C1QTNF3: variants seen among roughly 807,000 people sequenced by gnomAD.
The protein encoded by C1QTNF3 is C1q and TNF related 3.
A neutral mutation model predicts 32.6 loss-of-function variants in C1QTNF3; 26 were observed. The ratio of observed to expected loss-of-function variants is 0.80; its 90% confidence interval spans 0.58 to 1.11. The LOEUF (loss-of-function observed/expected upper bound fraction) is 1.11. Among genes scored for constraint, C1QTNF3 ranks in the 50% least tolerant of loss-of-function variants. C1QTNF3 has a pLI of 0.00. For synonymous variants in C1QTNF3, 155 were observed against 146.0 expected (o/e 1.06, Z -0.44); for missense variants, 362 against 398.2 (o/e 0.91, Z 0.77).
At chr5:34,158,876 G>A in the C1QTNF3 span, 3 of 151,962 alleles carry the variant, frequency 2.0e-5, no homozygotes, top group East Asian at 1.9e-4. Context: ...GATATATTAC[G>A]AATGTTCACC....
At chr5:34,130,642 A>G in the C1QTNF3 span, among the ~76,000 whole-genome samples, 1 of 152,206 alleles carries the variant, frequency 6.6e-6, no homozygotes, top group Non-Finnish European at 1.5e-5. Flanking sequence ...TCCAGCATCC[A>G]TGTTCCTCTC....
chr5:34,038,722 T>G (rs1754800383), intron 1 of C1QTNF3, among the ~76,000 whole-genome samples: 1 of 152,154 alleles, frequency 6.6e-6, no homozygotes, highest in South Asian at 2.1e-4. Context: ...TTCTATTTCC[T>G]GAGGGAAGCT....
the C1QTNF3 span, among the ~76,000 whole-genome samples, chr5:34,210,910 AATTT>A: frequency 1.3e-5 from 2 of 152,078 alleles, no homozygotes; most frequent in African/African-American, 4.8e-5. Context: ...TTTACTATAT[AATTT>A]ATTTGTGAAA....
chr5:34,212,935 G>T, the C1QTNF3 span, among the ~76,000 whole-genome samples: 5 of 151,866 alleles, frequency 3.3e-5, no homozygotes, highest in African/African-American at 9.7e-5. Flanking sequence ...AAATCATGCT[G>T]CTATAAAGAC....
intron 5 of C1QTNF3, 21 bp from the exon 6 acceptor site, chr5:34,020,763 A>G (rs1754305283): frequency 6.2e-7 from 1 of 1,605,996 alleles, no homozygotes; most frequent in African/African-American, 1.3e-5. Flanking sequence ...AAAGAGGAAC[A>G]AACTACTTAG....
At chr5:34,050,652 T>G in the C1QTNF3 span, among the ~76,000 whole-genome samples, 3 of 152,184 alleles carry the variant, frequency 2.0e-5, no homozygotes, top group Non-Finnish European at 4.4e-5. Flanking sequence ...CATACCTCAC[T>G]TGTCCTACAC....
the C1QTNF3 span, among the ~76,000 whole-genome samples, chr5:34,132,696 G>T: frequency 6.6e-5 from 10 of 152,102 alleles, no homozygotes; most frequent in South Asian, 2.1e-3. Flanking sequence ...TATGCTGAAG[G>T]TATATGATAA....
At chr5:34,067,645 T>C in the C1QTNF3 span, among the ~76,000 whole-genome samples, 1 of 152,280 alleles carries the variant, frequency 6.6e-6, no homozygotes, top group African/African-American at 2.4e-5. Flanking sequence ...ACTGGGTCCC[T>C]CCCACAACAT....
At chr5:34,050,687 C>T in the C1QTNF3 span, among the ~76,000 whole-genome samples, 1 of 152,218 alleles carries the variant, frequency 6.6e-6, no homozygotes, top group South Asian at 2.1e-4. Flanking sequence ...ACATATACCC[C>T]TTCCCTATGA....
At chr5:34,105,662 A>G in the C1QTNF3 span, 1 of 152,094 alleles carries the variant, frequency 6.6e-6, no homozygotes, top group Non-Finnish European at 1.5e-5. Flanking sequence ...TTTCAATTTC[A>G]TGGGTATTAC....
At chr5:34,175,140 C>T in the C1QTNF3 span, among the ~76,000 whole-genome samples, 1 of 150,762 alleles carries the variant, frequency 6.6e-6, no homozygotes, top group African/African-American at 2.4e-5. Flanking sequence ...AACTCCTGTG[C>T]TCAGGCTATC....
the C1QTNF3 span, among the ~76,000 whole-genome samples, chr5:34,233,622 C>T: frequency 1.3e-5 from 2 of 152,116 alleles, no homozygotes; most frequent in Non-Finnish European, 2.9e-5. Flanking sequence ...ATCTTACCAT[C>T]CTTAACATTA....
the C1QTNF3 span, among the ~76,000 whole-genome samples, chr5:34,179,763 A>G: frequency 6.6e-6 from 1 of 152,424 alleles, no homozygotes; most frequent in East Asian, 1.9e-4. Context: ...CCTTGAACAC[A>G]GGAGTGAATG....
the C1QTNF3 span, chr5:34,168,899 C>T: frequency 6.6e-6 from 1 of 152,162 alleles, no homozygotes; most frequent in East Asian, 1.9e-4. Context: ...AAAATTAATC[C>T]CCAATGCAAC....
rs549601236 is a variant in C1QTNF3, at chr5:34,025,970, T to C, written c.701-1962A>G. ...TTTCATATCTCAGTTCATTTCTGAC[T>C]TAAACTGAGTAGAAAAAATAAATCA... is the stretch of plus-strand genomic sequence containing the variant. On this transcript the variant is annotated intron_variant, in intron 4 of 5. Coordinates refer to ENST00000382065, the MANE Select transcript of C1QTNF3 (RefSeq NM_181435.6). Among the ~76,000 whole-genome samples, 4 of 152,328 alleles carry C rather than the reference T, an allele frequency of 2.6e-5. No homozygotes were observed. The South Asian group carries it at 8.3e-4, about 32-fold the overall frequency.
the C1QTNF3 span, among the ~76,000 whole-genome samples, chr5:34,154,783 T>C: frequency 1.3e-5 from 2 of 152,126 alleles, no homozygotes; most frequent in African/African-American, 4.8e-5. Flanking sequence ...GAACTATCTC[T>C]GGGCATGAAC....
chr5:34,147,851 G>T, the C1QTNF3 span, among the ~76,000 whole-genome samples: 1 of 152,180 alleles, frequency 6.6e-6, no homozygotes. Flanking sequence ...AGGGCGGGAG[G>T]AGCCAAGATG....
chr5:34,146,188 A>G, the C1QTNF3 span, among the ~76,000 whole-genome samples: 1 of 152,238 alleles, frequency 6.6e-6, no homozygotes, highest in African/African-American at 2.4e-5. Flanking sequence ...AAAGGCATCC[A>G]TATAGAAAAA....
the C1QTNF3 span, among the ~76,000 whole-genome samples, chr5:34,137,145 A>AT: frequency 8.9e-5 from 9 of 101,262 alleles, no homozygotes; most frequent in African/African-American, 2.6e-4. Flanking sequence ...TTAAAGTATA[A>AT]TTAAAAAAAA....
Sources: allele counts gnomAD v4.1 joint callset (sites outside exome capture counted in the v4.1 genomes callset), GRCh38; gene constraint gnomAD v4.1.1; transcripts MANE v1.5; gene names NCBI Gene and HGNC (gene_info 2026-07-23, HGNC 2026-07-21).